CFAP299: variants seen among roughly 807,000 people sequenced by gnomAD.
CFAP299 encodes cilia- and flagella-associated protein 299.
Under a neutral mutation model 27.0 loss-of-function variants are expected in CFAP299, and 21 were observed. The observed-to-expected ratio is 0.78, with a 90% CI of 0.55 to 1.12. The LOEUF is 1.12. Among genes scored for constraint, CFAP299 ranks in the 50% most tolerant of loss-of-function variants. The probability of loss-of-function intolerance (pLI) is 0.00; values close to 1 mark genes in which losing one functional copy is unlikely to be tolerated. For synonymous variants in CFAP299, 104 were observed against 98.1 expected (o/e 1.06, Z -0.36); for missense variants, 310 against 276.6 (o/e 1.12, Z -0.86).
At chr4:80,378,238 G>T (rs1171818696) in intron 2 of CFAP299, among the ~76,000 whole-genome samples, 1 of 151,992 alleles carries the variant, frequency 6.6e-6, no homozygotes, top group Non-Finnish European at 1.5e-5. Context: ...ATTGATTATT[G>T]ATAGTATATA....
chr4:80,374,331 T>C (rs1724297938), intron 2 of CFAP299, among the ~76,000 whole-genome samples: 2 of 152,148 alleles, frequency 1.3e-5, no homozygotes, highest in South Asian at 4.1e-4. Context: ...ACCTACCATG[T>C]CCCTATCTGT....
intron 3 of CFAP299, among the ~76,000 whole-genome samples, chr4:80,744,825 T>C (rs1724491488): frequency 6.6e-6 from 1 of 152,126 alleles, no homozygotes; most frequent in Non-Finnish European, 1.5e-5. Flanking sequence ...TTTAAAATGT[T>C]ATGCAAAATG....
At chr4:80,848,144 G>A (rs1454617869) in intron 3 of CFAP299, among the ~76,000 whole-genome samples, 5 of 151,852 alleles carry the variant, frequency 3.3e-5, no homozygotes, top group African/African-American at 9.7e-5. Flanking sequence ...CTGGGAGGTC[G>A]AGGCTGCAGT....
At chr4:80,386,429 C>A in intron 2 of CFAP299, 1 of 1,545,438 alleles carries the variant, frequency 6.5e-7, no homozygotes, top group African/African-American at 1.4e-5. Flanking sequence ...CCTCCAGCCC[C>A]AGCGGGTCAG....
At chr4:80,895,464 A>T (rs1181670449) in intron 4 of CFAP299, among the ~76,000 whole-genome samples, 1 of 152,024 alleles carries the variant, frequency 6.6e-6, no homozygotes, top group East Asian at 1.9e-4. Context: ...TAGAAATGTC[A>T]ATAGGCTTGA....
At chr4:80,686,572 AT>A (rs1720210155) in intron 3 of CFAP299, among the ~76,000 whole-genome samples, 1 of 152,220 alleles carries the variant, frequency 6.6e-6, no homozygotes, top group African/African-American at 2.4e-5. Context: ...TCATAATTTC[AT>A]GCTTTTACCG....
chr4:80,710,679 TC>T (rs1027923301), intron 3 of CFAP299, among the ~76,000 whole-genome samples: 2 of 151,706 alleles, frequency 1.3e-5, no homozygotes, highest in African/African-American at 4.8e-5. Flanking sequence ...AACTACATCA[TC>T]CCTCATCCCC....
intron 4 of CFAP299, among the ~76,000 whole-genome samples, chr4:80,931,576 A>G (rs1445672459): frequency 6.6e-6 from 1 of 152,158 alleles, no homozygotes; most frequent in African/African-American, 2.4e-5. Flanking sequence ...TCCTACAAGA[A>G]TCTACTCATT....
At chr4:80,811,759 G>A (rs562495886) in intron 3 of CFAP299, among the ~76,000 whole-genome samples, 38 of 152,084 alleles carry the variant, frequency 2.5e-4, no homozygotes, top group Non-Finnish European at 4.4e-4. Flanking sequence ...CACTTGAGAC[G>A]TGGGGAGGTT....
At chr4:80,661,951 T>C (rs906402765) in intron 3 of CFAP299, among the ~76,000 whole-genome samples, 1 of 152,168 alleles carries the variant, frequency 6.6e-6, no homozygotes, top group Non-Finnish European at 1.5e-5. Context: ...CAGTCTCCCA[T>C]AGCGCTCTCA....
chr4:80,333,892 C>A (rs1389353022), upstream of CFAP299, among the ~76,000 whole-genome samples: 2 of 152,188 alleles, frequency 1.3e-5, no homozygotes, highest in African/African-American at 4.8e-5. Context: ...TTACTAATTT[C>A]TTTGTTGCCA....
chr4:80,553,205 A>G (rs1734611942), intron 2 of CFAP299, among the ~76,000 whole-genome samples: 1 of 152,030 alleles, frequency 6.6e-6, no homozygotes. Flanking sequence ...CTTTGTGTTC[A>G]TGAGTTCTCA....
chr4:80,541,216 CCTT>C (rs1733980697), intron 2 of CFAP299, among the ~76,000 whole-genome samples: 1 of 152,070 alleles, frequency 6.6e-6, no homozygotes, highest in Non-Finnish European at 1.5e-5. Context: ...TTTTCCGACT[CCTT>C]AGACATTGCA....
upstream of CFAP299, chr4:80,335,697 G>A (rs772730464): frequency 3.4e-5 from 30 of 875,740 alleles, no homozygotes; most frequent in Non-Finnish European, 5.5e-5. Flanking sequence ...TGGCAGGAAC[G>A]AAGTGGGTGG....
chr4:80,323,301 T>C, the CFAP299 span, among the ~76,000 whole-genome samples: 1 of 152,356 alleles, frequency 6.6e-6, no homozygotes, highest in South Asian at 2.1e-4. Flanking sequence ...AACCTGGTCT[T>C]TGTTTTGTGC....
At chr4:80,753,567 T>G (rs1458906753) in intron 3 of CFAP299, among the ~76,000 whole-genome samples, 1 of 152,200 alleles carries the variant, frequency 6.6e-6, no homozygotes, top group African/African-American at 2.4e-5. Flanking sequence ...ATTTATTTCT[T>G]CAAATATTTC....
chr4:80,324,579 C>T, the CFAP299 span, among the ~76,000 whole-genome samples: 5 of 152,308 alleles, frequency 3.3e-5, no homozygotes, highest in East Asian at 1.9e-4. Flanking sequence ...TTGTCACAGA[C>T]TCACTGGCAG....
chr4:80,785,513 G>A (rs1727193031), intron 3 of CFAP299, among the ~76,000 whole-genome samples: 1 of 152,128 alleles, frequency 6.6e-6, no homozygotes, highest in African/African-American at 2.4e-5. Flanking sequence ...TCTGCTGGAT[G>A]CTTGCATTAA....
intron 2 of CFAP299, among the ~76,000 whole-genome samples, chr4:80,464,910 G>A (rs1729631107): frequency 6.6e-6 from 1 of 151,922 alleles, no homozygotes; most frequent in Non-Finnish European, 1.5e-5. Flanking sequence ...TACTCTGACA[G>A]GATTTTTCTC....
Sources: gnomAD v4.1 joint callset for allele counts (sites outside exome capture counted in the v4.1 genomes callset) on GRCh38, gnomAD v4.1.1 for gene constraint, MANE v1.5 for transcripts, NCBI Gene and HGNC (gene_info 2026-07-23, HGNC 2026-07-21) for gene names.